LPAR6: variants seen among roughly 807,000 people sequenced by gnomAD.
LPAR6 encodes the protein G-protein coupled purinergic receptor P2Y5.
In LPAR6, 17 loss-of-function variants were observed where a neutral mutation model predicts 22.0. That is an observed-to-expected ratio of 0.77 (90% CI 0.53 to 1.16). The LOEUF (loss-of-function observed/expected upper bound fraction) is 1.16, where lower values mean the gene tolerates loss of function less well. LPAR6 is among the 50% of genes most tolerant of loss of function. LPAR6 has a pLI of 0.00. For missense variants in LPAR6, 384 were observed against 406.9 expected (o/e 0.94, Z 0.48); for synonymous variants, 136 against 139.8 (o/e 0.97, Z 0.19).
intron 1 of LPAR6, among the ~76,000 whole-genome samples, chr13:48,400,260 T>G (rs1296510791): frequency 1.3e-5 from 2 of 152,120 alleles, no homozygotes; most frequent in African/African-American, 4.8e-5. Flanking sequence ...CTGTTAAAAG[T>G]GCTTCAGTGT....
At chr13:48,390,393 T>G (rs1948601678) in intron 1 of LPAR6, among the ~76,000 whole-genome samples, 1 of 152,112 alleles carries the variant, frequency 6.6e-6, no homozygotes, top group Non-Finnish European at 1.5e-5. Context: ...GAAATGATCT[T>G]GGGAGTGCAT....
chr13:48,407,904 A>T (rs1948753956), downstream of LPAR6, among the ~76,000 whole-genome samples: 1 of 152,152 alleles, frequency 6.6e-6, no homozygotes, highest in African/African-American at 2.4e-5. Flanking sequence ...GGCACGAAAA[A>T]AGTTTAGGTG....
chr13:48,417,260 T>C, upstream of LPAR6: 1 of 153,230 alleles, frequency 6.5e-6, no homozygotes, highest in Non-Finnish European at 1.5e-5. Context: ...TTCTGCAACC[T>C]CTGCTGGTGA....
At chr13:48,431,642 A>G (rs545759950), upstream of LPAR6, among the ~76,000 whole-genome samples, 48 of 152,298 alleles carry the variant, frequency 3.2e-4, no homozygotes, top group African/African-American at 1.1e-3. Flanking sequence ...TTTCCTGTCT[A>G]TACTAGAAGA....
upstream of LPAR6, among the ~76,000 whole-genome samples, chr13:48,416,980 G>A (rs1240694863): frequency 6.6e-6 from 1 of 152,186 alleles, no homozygotes; most frequent in Non-Finnish European, 1.5e-5. Flanking sequence ...AGGGTGCTAT[G>A]GGTGGCTATT....
intron 1 of LPAR6, among the ~76,000 whole-genome samples, chr13:48,444,237 C>G (rs888864692): frequency 6.6e-6 from 1 of 152,204 alleles, no homozygotes; most frequent in African/African-American, 2.4e-5. Context: ...CTCAAGGATA[C>G]TGGGCACGGT....
At chr13:48,417,582 T>C (rs1316995072), upstream of LPAR6, among the ~76,000 whole-genome samples, 1 of 151,116 alleles carries the variant, frequency 6.6e-6, no homozygotes, top group Non-Finnish European at 1.5e-5. Context: ...AATAATAAAC[T>C]CCTCCAAGCC....
intron 1 of LPAR6, among the ~76,000 whole-genome samples, chr13:48,437,740 G>A (rs1243196222): frequency 6.6e-6 from 1 of 152,124 alleles, no homozygotes; most frequent in Non-Finnish European, 1.5e-5. Context: ...AACCTAAGAT[G>A]GAAACTGCAG....
At chr13:48,416,656 C>T (rs925867697), upstream of LPAR6, 1 of 152,310 alleles carries the variant, frequency 6.6e-6, no homozygotes, top group Non-Finnish European at 1.5e-5. Flanking sequence ...ATCCCACCCC[C>T]ACAGAGCCCA....
At chr13:48,424,824 G>A (rs929245391) in intron 1 of LPAR6, among the ~76,000 whole-genome samples, 3 of 152,020 alleles carry the variant, frequency 2.0e-5, no homozygotes, top group Admixed American at 1.3e-4. Flanking sequence ...AGGCCAAGGC[G>A]GGCAGACCTC....
intron 1 of LPAR6, among the ~76,000 whole-genome samples, chr13:48,397,413 T>C (rs1182802390): frequency 6.6e-6 from 1 of 152,112 alleles, no homozygotes; most frequent in Non-Finnish European, 1.5e-5. Flanking sequence ...AAACAACACA[T>C]GTTTTCACTT....
intron 2 of LPAR6, among the ~76,000 whole-genome samples, chr13:48,420,256 C>T (rs1437297341): frequency 1.3e-5 from 2 of 152,140 alleles, no homozygotes; most frequent in Non-Finnish European, 2.9e-5. Context: ...AAACGTAATC[C>T]ATCACATAAA....
At chr13:48,434,174 T>C (rs948648540) in intron 1 of LPAR6, among the ~76,000 whole-genome samples, 1 of 152,034 alleles carries the variant, frequency 6.6e-6, no homozygotes, top group African/African-American at 2.4e-5. Flanking sequence ...GAGCCAGGCC[T>C]GGTGGCTCAT....
At chr13:48,423,254 G>A (rs1474846729) in intron 1 of LPAR6, among the ~76,000 whole-genome samples, 1 of 152,022 alleles carries the variant, frequency 6.6e-6, no homozygotes, top group Non-Finnish European at 1.5e-5. Flanking sequence ...TTAAGCTGCT[G>A]GGTTGGGTTT....
upstream of LPAR6, among the ~76,000 whole-genome samples, chr13:48,430,183 G>A (rs1027231504): frequency 4.6e-5 from 7 of 152,054 alleles, no homozygotes; most frequent in Non-Finnish European, 1.0e-4. Context: ...CATTTCTTTA[G>A]TTATAAGGAG....
Position 48,422,209 on chromosome 13 carries a change from C to A in LPAR6, c.-954+441G>T, listed in dbSNP as rs144215368. ...GCCATGAACAAGGATGAGTTCATGT[C>A]CTTTGCAGGGACATGGATGAAGCTG... On this transcript the variant is annotated intron_variant, in intron 2 of 4. Transcript: ENST00000345941. Among the ~76,000 whole-genome samples, 844 of 152,188 alleles carry A rather than the reference C, an allele frequency of 5.5e-3. 5 individuals are homozygous for A. The highest frequency in any genetic ancestry group is 0.01 in the Middle Eastern group (3 of 294).
downstream of LPAR6, among the ~76,000 whole-genome samples, chr13:48,407,837 C>A (rs1248897541): frequency 1.3e-5 from 2 of 152,102 alleles, no homozygotes; most frequent in Non-Finnish European, 2.9e-5. Context: ...TGTTTCTACA[C>A]AAAAATTTAT....
At position 48,412,360 on chromosome 13, in the gene LPAR6, A is replaced by G. The variant is rs1373039146; in HGVS notation, c.64T>C (p.Cys22Arg). The G allele has an allele frequency of 6.2e-7, 1 of 1,613,844 alleles. No individual in the cohort carries two copies. Among genetic ancestry groups the G allele is most frequent in the Non-Finnish European group, 8.5e-7 (1 of 1,179,836 alleles). ...NDSFKYTLYG[C>R]MFSMVFVLGL... ...AGCACAAACACCATGCTGAACATGC[A>G]CCCATACAAAGTGTACTTAAAGGAG... Residue 22 changes from cysteine (C) to arginine (R), a missense_variant, in exon 1 of 1, where the codon TGC (cysteine) becomes CGC (arginine). By Grantham distance (180) the Cys-to-Arg change is radical. Coordinates refer to ENST00000620633, the MANE Select transcript of LPAR6 (RefSeq NM_001162498.3).
At chr13:48,410,509 A>T (rs1251924873), downstream of LPAR6, among the ~76,000 whole-genome samples, 1 of 152,178 alleles carries the variant, frequency 6.6e-6, no homozygotes, top group Non-Finnish European at 1.5e-5. Flanking sequence ...CTAAATGCCA[A>T]GTACTATATT....
Sources: allele counts gnomAD v4.1 joint callset (sites outside exome capture counted in the v4.1 genomes callset), GRCh38; gene constraint gnomAD v4.1.1; transcripts MANE v1.5; gene names NCBI Gene and HGNC (gene_info 2026-07-23, HGNC 2026-07-21).